SLC22A24: variants seen among roughly 807,000 people sequenced by gnomAD.
The protein encoded by SLC22A24 is steroid transmembrane transporter SLC22A24.
Under a neutral mutation model 49.8 loss-of-function variants are expected in SLC22A24, and 53 were observed. That is an observed-to-expected ratio of 1.06 (90% CI 0.85 to 1.34). SLC22A24 has a LOEUF of 1.34. Among genes scored for constraint, SLC22A24 ranks in the 40% most tolerant of loss-of-function variants. The pLI, the probability that SLC22A24 is intolerant of heterozygous loss-of-function variation, is 0.00. For synonymous variants in SLC22A24, 302 were observed against 256.4 expected (o/e 1.18, Z -1.70); for missense variants, 786 against 675.9 (o/e 1.16, Z -1.81).
chr11:63,094,138 C>G (rs183403433), intron 6 of SLC22A24, among the ~76,000 whole-genome samples: 1 of 115,062 alleles, frequency 8.7e-6, no homozygotes, highest in Non-Finnish European at 1.7e-5. Context: ...CTATCCCTCC[C>G]CCCTCCCCCG....
intron 4 of SLC22A24, among the ~76,000 whole-genome samples, chr11:63,110,412 G>A (rs1209522353): frequency 1.5e-4 from 23 of 151,626 alleles, no homozygotes; most frequent in African/African-American, 4.8e-4. Flanking sequence ...GATGGGGATG[G>A]CATTGAATCT....
At chr11:63,094,442 C>T (rs2087040219) in intron 6 of SLC22A24, among the ~76,000 whole-genome samples, 1 of 152,058 alleles carries the variant, frequency 6.6e-6, no homozygotes, top group Admixed American at 6.6e-5. Flanking sequence ...AATAAACATA[C>T]ATGTGCATGT....
intron 1 of SLC22A24, among the ~76,000 whole-genome samples, chr11:63,135,423 A>G (rs1365346895): frequency 6.6e-6 from 1 of 152,236 alleles, no homozygotes; most frequent in African/African-American, 2.4e-5. Flanking sequence ...TTTGCCTAAC[A>G]GCATTCCAAA....
chr11:63,108,996 C>T (rs1330756037), intron 4 of SLC22A24, among the ~76,000 whole-genome samples: 2 of 111,744 alleles, frequency 1.8e-5, no homozygotes, highest in Admixed American at 9.6e-5. Context: ...TCCCTCCCCC[C>T]TCCCCCCACC....
Position 63,143,376 on chromosome 11 carries a change from A to G in SLC22A24, c.402+2T>C, listed in dbSNP as rs867377357. The G allele has an allele frequency of 2.8e-6, 4 of 1,441,726 alleles. No individual in the cohort carries two copies. The highest frequency in any genetic ancestry group is 1.7e-5 in the South Asian group (1 of 59,324). 89.3% of individuals were successfully genotyped at this position (1,441,726 alleles called of 1,614,324 possible). A position where few individuals can be genotyped will look rare whatever the true frequency, so the allele number is the denominator to read the frequency against. On this transcript the variant is annotated splice_donor_variant, in intron 1 of 9. Coordinates refer to ENST00000612278, the MANE Select transcript of SLC22A24 (RefSeq NM_001136506.2). LOFTEE classifies it high-confidence loss of function. ...ACAGAAGATTTACATGGGGCCTCTTACCTCAGTCACGATGGTGGAGAGGAA... is the reference window on the plus strand; with the variant it reads ...ACAGAAGATTTACATGGGGCCTCTTGCCTCAGTCACGATGGTGGAGAGGAA...
chr11:63,125,647 A>G (rs1039868456), intron 2 of SLC22A24, among the ~76,000 whole-genome samples: 1 of 152,192 alleles, frequency 6.6e-6, no homozygotes, highest in Non-Finnish European at 1.5e-5. Context: ...TAGTAGCATG[A>G]TTTATAATCC....
chr11:63,139,424 T>C (rs1224028867), intron 1 of SLC22A24, among the ~76,000 whole-genome samples: 3 of 152,230 alleles, frequency 2.0e-5, no homozygotes, highest in South Asian at 2.1e-4. Context: ...CTTTTCATTA[T>C]GAAAGAGCTT....
intron 8 of SLC22A24, 62 bp from the exon 9 acceptor site, chr11:63,081,185 C>T: frequency 7.2e-7 from 1 of 1,383,508 alleles, no homozygotes; most frequent in Non-Finnish European, 1.0e-6. Flanking sequence ...AGCTCTTTAT[C>T]ATCATTATTT....
intron 2 of SLC22A24, among the ~76,000 whole-genome samples, chr11:63,122,600 C>T (rs7936508): frequency 0.77 from 117,372 of 152,024 alleles, 47,082 homozygotes; most frequent in East Asian, 0.9. Flanking sequence ...CTGCAACCTC[C>T]GCCTCCTGGG....
chr11:63,086,455 T>C (rs2086987512), intron 6 of SLC22A24, among the ~76,000 whole-genome samples: 1 of 152,150 alleles, frequency 6.6e-6, no homozygotes, highest in African/African-American at 2.4e-5. Flanking sequence ...AAATACCACA[T>C]GTTCTCACTT....
intron 4 of SLC22A24, among the ~76,000 whole-genome samples, chr11:63,106,878 T>C (rs1290033142): frequency 6.6e-6 from 1 of 152,194 alleles, no homozygotes; most frequent in Non-Finnish European, 1.5e-5. Flanking sequence ...ATTTTTTAGG[T>C]TGCCTGTTCA....
At chr11:63,105,007 G>A (rs2087111675) in intron 4 of SLC22A24, among the ~76,000 whole-genome samples, 1 of 152,190 alleles carries the variant, frequency 6.6e-6, no homozygotes, top group African/African-American at 2.4e-5. Context: ...TATAGCAGTG[G>A]ATTTGACCAA....
At chr11:63,114,359 C>T (rs185581529) in intron 4 of SLC22A24, among the ~76,000 whole-genome samples, 186 of 152,220 alleles carry the variant, frequency 1.2e-3, no homozygotes, top group African/African-American at 4.4e-3. Context: ...ATTGACTCGG[C>T]TATTGAAACT....
At chr11:63,101,627 G>T (rs945743267) in intron 5 of SLC22A24, among the ~76,000 whole-genome samples, 13 of 152,174 alleles carry the variant, frequency 8.5e-5, no homozygotes, top group African/African-American at 2.6e-4. Context: ...TATTTGAAGA[G>T]ATATCTGCAC....
intron 6 of SLC22A24, among the ~76,000 whole-genome samples, chr11:63,095,759 C>A (rs1450236778): frequency 6.6e-6 from 1 of 152,176 alleles, no homozygotes; most frequent in Non-Finnish European, 1.5e-5. Context: ...CAGTGATAAA[C>A]TTTGTGCTGG....
chr11:63,089,960 C>A (rs11231348), intron 6 of SLC22A24, among the ~76,000 whole-genome samples: 80,355 of 150,516 alleles, frequency 0.53, 21,459 homozygotes, highest in African/African-American at 0.55. Flanking sequence ...GGGCGCCTGT[C>A]GTCCCAGCTA....
chr11:63,103,870 C>T (rs974136744), intron 5 of SLC22A24, among the ~76,000 whole-genome samples: 2 of 152,104 alleles, frequency 1.3e-5, no homozygotes, highest in Non-Finnish European at 2.9e-5. Context: ...CCAGAGGGGA[C>T]CATGAGTCAG....
chr11:63,129,999 C>T (rs540517837), intron 2 of SLC22A24, among the ~76,000 whole-genome samples: 13 of 152,210 alleles, frequency 8.5e-5, no homozygotes, highest in Non-Finnish European at 1.6e-4. Flanking sequence ...GTGGCCAGAA[C>T]TTCCAACACT....
chr11:63,100,837 A>C (rs1036911792), intron 5 of SLC22A24, among the ~76,000 whole-genome samples: 11 of 152,164 alleles, frequency 7.2e-5, no homozygotes, highest in Non-Finnish European at 1.5e-4. Flanking sequence ...TGCTGAGAAA[A>C]CTGGATATCC....
Sources: gnomAD v4.1 joint callset for allele counts (sites outside exome capture counted in the v4.1 genomes callset) on GRCh38, gnomAD v4.1.1 for gene constraint, MANE v1.5 for transcripts, NCBI Gene and HGNC (gene_info 2026-07-23, HGNC 2026-07-21) for gene names.